CCDC171: variants seen among roughly 807,000 people sequenced by gnomAD.
CCDC171 encodes the protein coiled-coil domain-containing protein 171.
A neutral mutation model predicts 168.2 loss-of-function variants in CCDC171; 177 were observed. The ratio of observed to expected loss-of-function variants is 1.05; its 90% CI spans 0.93 to 1.19. CCDC171 has a LOEUF of 1.19. CCDC171 is among the 50% of genes most tolerant of loss of function. The pLI is 0.00. For synonymous variants in CCDC171, 687 were observed against 540.8 expected (o/e 1.27, Z -3.75); for missense variants, 1,991 against 1,539.0 (o/e 1.29, Z -4.91).
rs534917496 is a variant in CCDC171, at chr9:15,884,287, A to G, written c.3600+9624A>G. 5.1e-5 allele frequency among the ~76,000 whole-genome samples: 7 copies of G among 137,156 alleles called. 1 individual carries two copies. In the East Asian group the frequency reaches 1.3e-3, roughly 26 times the overall value. 90.0% of individuals were successfully genotyped at this position (137,156 alleles called of 152,430 possible). A position where few individuals can be genotyped will look rare whatever the true frequency, so the allele number is the denominator to read the frequency against. On this transcript the variant is annotated intron_variant, in intron 24 of 25. Coordinates refer to ENST00000380701, the MANE Select transcript of CCDC171 (RefSeq NM_173550.4). ...TGATTATGAGGATCCTATAACATGT[A>G]TGAAAGAACTTAGAAAATTAAATCG...
intron 24 of CCDC171, among the ~76,000 whole-genome samples, 154 bp from the exon 25 acceptor site, chr9:15,920,116 C>G (rs918577793): frequency 5.9e-5 from 9 of 151,456 alleles, no homozygotes; most frequent in South Asian, 2.1e-4. Flanking sequence ...TCACTGTTCT[C>G]AATATAAAAT....
intron 11 of CCDC171, among the ~76,000 whole-genome samples, chr9:15,701,959 A>G (rs2051785108): frequency 6.6e-6 from 1 of 152,218 alleles, no homozygotes; most frequent in Non-Finnish European, 1.5e-5. Flanking sequence ...TATGGCAGCT[A>G]TAGCCTTATG....
At chr9:16,080,407 C>T in the CCDC171 span, among the ~76,000 whole-genome samples, 3 of 152,046 alleles carry the variant, frequency 2.0e-5, no homozygotes, top group Non-Finnish European at 2.9e-5. Flanking sequence ...ACTTGGTTTG[C>T]CCATAGTTCT....
At chr9:16,096,556 C>T in the CCDC171 span, among the ~76,000 whole-genome samples, 1 of 152,216 alleles carries the variant, frequency 6.6e-6, no homozygotes, top group Non-Finnish European at 1.5e-5. Flanking sequence ...AAGTCTTGTT[C>T]TTTAACTTCT....
chr9:16,020,872 G>C (rs1281264401), intron 4 of CCDC171: 2 of 152,236 alleles, frequency 1.3e-5, no homozygotes, highest in African/African-American at 2.4e-5. Context: ...ATGACCACCA[G>C]TAATTGAAAC....
the CCDC171 span, among the ~76,000 whole-genome samples, chr9:16,075,032 C>T: frequency 6.6e-6 from 1 of 152,202 alleles, no homozygotes; most frequent in Admixed American, 6.5e-5. Flanking sequence ...TTGTGAGGTG[C>T]ATATAATTTC....
intron 6 of CCDC171, among the ~76,000 whole-genome samples, chr9:15,608,230 T>G (rs1564037531): frequency 6.6e-6 from 1 of 152,186 alleles, no homozygotes; most frequent in Non-Finnish European, 1.5e-5. Flanking sequence ...CTCAAAACTG[T>G]CACATGGGGG....
chr9:15,775,303 G>T (rs528938982), intron 18 of CCDC171, among the ~76,000 whole-genome samples: 10 of 152,260 alleles, frequency 6.6e-5, no homozygotes, highest in Admixed American at 3.3e-4. Context: ...TCACCCTTCA[G>T]ATCAGTCAGT....
chr9:15,822,384 G>T (rs1464097890), intron 21 of CCDC171, among the ~76,000 whole-genome samples: 3 of 151,492 alleles, frequency 2.0e-5, no homozygotes, highest in Admixed American at 1.3e-4. Flanking sequence ...ACTACCATCA[G>T]AGTGAACAGG....
chr9:15,808,305 G>A (rs1334381957), intron 21 of CCDC171, among the ~76,000 whole-genome samples: 1 of 152,180 alleles, frequency 6.6e-6, no homozygotes, highest in Non-Finnish European at 1.5e-5. Context: ...AGAATTTACG[G>A]TAATACTAAT....
At chr9:16,054,884 A>C (rs947746446) in intron 1 of CCDC171, among the ~76,000 whole-genome samples, 23 of 152,148 alleles carry the variant, frequency 1.5e-4, no homozygotes, top group African/African-American at 5.6e-4. Flanking sequence ...CCCCCTCCCC[A>C]CACACATATA....
At chr9:15,629,507 C>T (rs1170585131) in intron 7 of CCDC171, among the ~76,000 whole-genome samples, 1 of 152,108 alleles carries the variant, frequency 6.6e-6, no homozygotes, top group East Asian at 1.9e-4. Flanking sequence ...AACAAAGCCT[C>T]CAGGAAATAT....
chr9:15,918,844 C>T (rs1049578668), intron 24 of CCDC171, among the ~76,000 whole-genome samples: 15 of 151,472 alleles, frequency 9.9e-5, no homozygotes, highest in South Asian at 2.1e-4. Flanking sequence ...ATCACCCTTT[C>T]GTAGAAGGCA....
intron 21 of CCDC171, among the ~76,000 whole-genome samples, chr9:15,811,834 G>C (rs2059370348): frequency 6.6e-6 from 1 of 152,190 alleles, no homozygotes; most frequent in African/African-American, 2.4e-5. Flanking sequence ...CTTAAGATGT[G>C]TTGCTGCTGT....
intron 24 of CCDC171, among the ~76,000 whole-genome samples, chr9:15,902,844 C>G (rs894742275): frequency 6.6e-6 from 1 of 152,198 alleles, no homozygotes; most frequent in African/African-American, 2.4e-5. Flanking sequence ...TAATACTGCA[C>G]TTTTCCAACA....
rs1200748160 is a variant in CCDC171, at chr9:16,058,270, C to T, written n.90-2376C>T. On this transcript the variant is annotated intron_variant and non_coding_transcript_variant, in intron 1 of 1. Coordinates refer to the CCDC171 transcript ENST00000478913. ...GCCTATGACTGACTCAGGCCCCATT[C>T]ATCTTTCTTTCCTCTCTCCCCATGA... 2.0e-5 allele frequency among the ~76,000 whole-genome samples: 3 copies of T among 152,106 alleles called. No individual in the cohort carries two copies. The South Asian group carries it at 6.2e-4, about 32-fold the overall frequency.
rs1018346396 is a variant in CCDC171, at chr9:15,729,530, T to C, written c.1861-80T>C. 4 of 773,386 alleles carry C rather than the reference T, an allele frequency of 5.2e-6. No individual in the cohort carries two copies. The Admixed American group carries it at 7.8e-5, about 15-fold the overall frequency. 47.9% of individuals were successfully genotyped at this position (773,386 alleles called of 1,614,324 possible). ...AAGGAATAAAATATAGTAGGACATT[T>C]TGGGTATTTTATTGGGGGAGATGAC... On this transcript the variant is annotated intron_variant, in intron 15 of 25. Transcript: ENST00000380701.
chr9:15,574,561 A>G (rs569328884), intron 3 of CCDC171, among the ~76,000 whole-genome samples: 1 of 152,266 alleles, frequency 6.6e-6, no homozygotes, highest in South Asian at 2.1e-4. Context: ...TTACAGGTGT[A>G]AGCCATTGAG....
chr9:15,670,996 G>A (rs1209635032), intron 9 of CCDC171, among the ~76,000 whole-genome samples: 1 of 152,112 alleles, frequency 6.6e-6, no homozygotes, highest in African/African-American at 2.4e-5. Flanking sequence ...GGAGGCTGAG[G>A]TATAAGGATT....
Sources: allele counts gnomAD v4.1 joint callset (sites outside exome capture counted in the v4.1 genomes callset), GRCh38; gene constraint gnomAD v4.1.1; transcripts MANE v1.5; gene names NCBI Gene and HGNC (gene_info 2026-07-23, HGNC 2026-07-21).